GALNT6: variants seen among roughly 807,000 people sequenced by gnomAD.
The protein encoded by GALNT6 is GalNAc transferase 6.
Under a neutral mutation model 65.9 loss-of-function variants are expected in GALNT6, and 51 were observed. The observed-to-expected ratio is 0.77, with a 90% CI of 0.62 to 0.98. The LOEUF (loss-of-function observed/expected upper bound fraction) is 0.98. Ranked by LOEUF, GALNT6 falls within the 50% of genes least tolerant of loss-of-function variation. The pLI is 0.00. For synonymous variants in GALNT6, 323 were observed against 315.1 expected (o/e 1.02, Z -0.26); for missense variants, 708 against 803.3 (o/e 0.88, Z 1.43).
Position 51,353,321 on chromosome 12 carries a change from A to C in GALNT6, c.*1058T>G, listed in dbSNP as rs1475804398. 6.6e-6 allele frequency: 1 copy of C among 152,152 alleles called. No individual in the cohort carries two copies. The highest frequency in any genetic ancestry group is 1.5e-5 in the Non-Finnish European group (1 of 68,038). 9.4% of individuals were successfully genotyped at this position (152,152 alleles called of 1,614,324 possible). Reference sequence around the variant, plus strand: ...TCTACAGACTTCAGGTAATAATAGCAAGGGAGGATCTCTTAGACCTCTGAT... The same window carrying C: ...TCTACAGACTTCAGGTAATAATAGCCAGGGAGGATCTCTTAGACCTCTGAT... On this transcript the variant is annotated 3_prime_UTR_variant, in exon 12 of 12. Transcript: ENST00000356317.
At chr12:51,356,694 T>C (rs1946760221) in intron 10 of GALNT6, among the ~76,000 whole-genome samples, 1 of 152,148 alleles carries the variant, frequency 6.6e-6, no homozygotes, top group South Asian at 2.1e-4. Context: ...TAAAATTCAA[T>C]TTAACTTAGC....
upstream of GALNT6, chr12:51,391,453 AG>A (rs1234979473): frequency 6.4e-6 from 1 of 155,850 alleles, no homozygotes; most frequent in Admixed American, 6.5e-5. Flanking sequence ...GGTAGTGAGG[AG>A]GAAGAGGAAG....
rs758879453 is a variant in GALNT6, at chr12:51,379,329, G to A, written c.453C>T (p.Ser151=). ...TGTCTGGCCCCAGGGACCTCTGCAG[G>A]GAGATCCGGTCGCTGGCAAAGGCAT... The part of the protein sequence containing the change: ...CFNAFASDRI[S]LQRSLGPDTR... The change falls in exon 3 of 12, where the codon TCC becomes TCT. Residue 151 remains serine, a synonymous_variant. Coordinates refer to ENST00000356317, the MANE Select transcript of GALNT6 (RefSeq NM_007210.4). The A allele has an allele frequency of 6.5e-7, 1 of 1,531,728 alleles. No homozygotes were observed. The highest frequency in any genetic ancestry group is 1.4e-5 in the African/African-American group (1 of 72,144). The allele number at this position is 1,531,728 out of a possible 1,614,324, so 94.9% of individuals were successfully genotyped here.
In GALNT6 at chr12:51,358,343, C is replaced by T. The variant is rs1454767260; in HGVS notation, c.1369-82G>A. On this transcript the variant is annotated intron_variant, in intron 8 of 11. Coordinates refer to ENST00000356317, the MANE Select transcript of GALNT6 (RefSeq NM_007210.4). ...TAAGAGGGAGTCTCACTCTGTTGCC[C>T]AGGCTGGAGTGCAGTGGTGCAATCT... The T allele has an allele frequency of 1.7e-5, 26 of 1,501,050 alleles. No individual in the cohort carries two copies. The East Asian group carries it at 5.5e-4, about 32-fold the overall frequency. The allele number at this position is 1,501,050 out of a possible 1,614,324, so 93.0% of individuals were successfully genotyped here.
chr12:51,357,291 G>T lies in GALNT6; in HGVS notation c.1602+58C>A, dbSNP rs1946776066. On this transcript the variant is annotated intron_variant, in intron 10 of 11. Coordinates refer to ENST00000356317, the MANE Select transcript of GALNT6 (RefSeq NM_007210.4). ...AGTCCTCAGGAAAGGACTCTTTAGG[G>T]TAGAGAAAAGGAGCCGGTGAGGAGA... 5.4e-6 allele frequency: 6 copies of T among 1,108,582 alleles called. 1 individual carries two copies. The highest frequency in any genetic ancestry group is 1.5e-5 in the African/African-American group (1 of 65,454). The allele number at this position is 1,108,582 out of a possible 1,614,324, so 68.7% of individuals were successfully genotyped here. A position where few individuals can be genotyped will look rare whatever the true frequency, so the allele number is the denominator to read the frequency against.
At chr12:51,380,544 G>A (rs1947630497) in intron 2 of GALNT6, among the ~76,000 whole-genome samples, 4 of 152,170 alleles carry the variant, frequency 2.6e-5, no homozygotes, top group African/African-American at 9.7e-5. Flanking sequence ...ACAATATCTT[G>A]TTCTTGAATA....
chr12:51,358,377 T>C, intron 8 of GALNT6, 116 bp from the exon 9 acceptor site: 1 of 1,197,838 alleles, frequency 8.3e-7, no homozygotes, highest in South Asian at 1.5e-5. Flanking sequence ...CTCGGCTCAC[T>C]GCAACCTTCC....
chr12:51,367,747 C>T (rs1423419372), intron 4 of GALNT6, among the ~76,000 whole-genome samples: 6 of 152,184 alleles, frequency 3.9e-5, no homozygotes, highest in African/African-American at 9.7e-5. Flanking sequence ...CACAAATGCA[C>T]GCACACAATA....
chr12:51,357,429 G>T lies in GALNT6; in HGVS notation c.1522C>A (p.Gln508Lys). Residue 508 changes from glutamine to lysine, a missense_variant, in exon 10 of 12, where the codon CAA becomes AAA. Coordinates refer to ENST00000356317, the MANE Select transcript of GALNT6 (RefSeq NM_007210.4). ...YGAIKNLGTN[Q>K]CLDVGENNRG... The stretch of plus-strand genomic sequence containing the variant: ...TTGTTCTCACCCACATCCAGGCATT[G>T]GTTGGTGCCGAGGTTCTTGATCTGC... 6.2e-7 allele frequency: 1 copy of T among 1,613,750 alleles called. No individual in the cohort carries two copies. Among genetic ancestry groups the T allele is most frequent in the South Asian group, 1.1e-5 (1 of 91,068 alleles).
At chr12:51,372,323 C>T (rs1221240757) in intron 4 of GALNT6, among the ~76,000 whole-genome samples, 1 of 152,178 alleles carries the variant, frequency 6.6e-6, no homozygotes, top group East Asian at 1.9e-4. Context: ...ACCCTCCCAC[C>T]TCAGCCTCTC....
At chr12:51,380,758 T>G (rs1947642715) in intron 2 of GALNT6, among the ~76,000 whole-genome samples, 1 of 151,942 alleles carries the variant, frequency 6.6e-6, no homozygotes, top group African/African-American at 2.4e-5. Flanking sequence ...GCCACTGCAC[T>G]CCAGCCTGGG....
At position 51,361,028 on chromosome 12, in the gene GALNT6, A is replaced by T. The variant is rs1180226885; in HGVS notation, c.1050-190T>A. On this transcript the variant is annotated intron_variant, in intron 6 of 11. Coordinates refer to ENST00000356317, the MANE Select transcript of GALNT6 (RefSeq NM_007210.4). ...TACTATGTCCTCTTCCCCTTCTAGG[A>T]CCAGGTCAAGGAAATATGTAATTAT... Among the ~76,000 whole-genome samples the T allele has an allele frequency of 2.0e-5, 3 of 152,110 alleles. No individual in the cohort carries two copies. The East Asian group carries it at 5.8e-4, about 29-fold the overall frequency.
intron 2 of GALNT6, among the ~76,000 whole-genome samples, chr12:51,386,268 A>G (rs1223817832): frequency 2.0e-5 from 3 of 152,080 alleles, no homozygotes; most frequent in African/African-American, 7.2e-5. Context: ...CGATCTCTCA[A>G]CTCCTAGACC....
rs774358946 is a variant in GALNT6 at position 51,379,369 on chromosome 12, T to G, written c.413A>C (p.Lys138Thr). ...GGCAAAGGCATTGAAACAGTGCTTC[T>G]TATAGCCTTCTTCCTTTTCCTGGGT... ...LETQEKEEGYKKHCFNAFASD... is the reference protein window; with the variant it reads ...LETQEKEEGYTKHCFNAFASD... Residue 138 changes from lysine to threonine, a missense_variant, in exon 3 of 12, where the codon AAG becomes ACG. By Grantham distance (78) the Lys-to-Thr change is moderately conservative (BLOSUM62 -1). Transcript: ENST00000356317. 2 of 1,575,018 alleles carry G rather than the reference T, an allele frequency of 1.3e-6. No individual in the cohort carries two copies. The highest frequency in any genetic ancestry group is 2.4e-5 in the South Asian group (2 of 84,406).
At chr12:51,367,978 C>T (rs904541654) in intron 4 of GALNT6, among the ~76,000 whole-genome samples, 1 of 152,034 alleles carries the variant, frequency 6.6e-6, no homozygotes, top group Admixed American at 6.5e-5. Context: ...CATGTGAGGA[C>T]TCCCCACCTT....
chr12:51,384,214 A>C (rs979583895), intron 2 of GALNT6, among the ~76,000 whole-genome samples: 4 of 152,198 alleles, frequency 2.6e-5, no homozygotes, highest in African/African-American at 9.7e-5. Flanking sequence ...GCCTGCCTAG[A>C]TTGAACAAAT....
chr12:51,357,359 C>T lies in GALNT6; in HGVS notation c.1592G>A (p.Gly531Asp), dbSNP rs755922185. The change falls in exon 10 of 12, where the codon GGC becomes GAC. Residue 531 changes from glycine (G) to aspartate (D), a missense_variant. Coordinates refer to ENST00000356317, the MANE Select transcript of GALNT6 (RefSeq NM_007210.4). ...PLIMYSCHGL[G>D]GNQYFEYTTQ... ...GGGTGGGCTGCATACCTGGTTGCCG[C>T]CAAGGCCGTGGCAGGAGTACATGAT... 6.2e-7 allele frequency: 1 copy of T among 1,611,976 alleles called. No homozygotes were observed. The highest frequency in any genetic ancestry group is 1.1e-5 in the South Asian group (1 of 91,022).
At chr12:51,367,602 T>A (rs573390240) in intron 4 of GALNT6, among the ~76,000 whole-genome samples, 2 of 152,386 alleles carry the variant, frequency 1.3e-5, no homozygotes, top group South Asian at 4.1e-4. Context: ...GGGGGACAGA[T>A]GTGACAATTG....
At position 51,374,767 on chromosome 12, in the gene GALNT6, TCTC is replaced by T. The variant is rs766694061; in HGVS notation, c.664+2425_664+2427del. 4.5e-4 allele frequency among the ~76,000 whole-genome samples: 69 copies of T among 152,210 alleles called. 1 individual carries two copies. The highest frequency in any genetic ancestry group is 8.3e-4 in the South Asian group (4 of 4,816). On this transcript the variant is annotated intron_variant, in intron 4 of 11. Transcript: ENST00000356317. ...GCCTTTCCTAGTTCAGGCCCCATCA[TCTC>T]CTACTCTCAAGTGAGTGTAAGAACT...
Sources: allele counts gnomAD v4.1 joint callset (sites outside exome capture counted in the v4.1 genomes callset), GRCh38; gene constraint gnomAD v4.1.1; transcripts MANE v1.5; gene names NCBI Gene and HGNC (gene_info 2026-07-23, HGNC 2026-07-21).